Variants in FGF13 observed in about 807,000 individuals in gnomAD.
FGF13 encodes fibroblast growth factor homologous factor 2.
Under a neutral mutation model 19.5 loss-of-function variants are expected in FGF13, and 2 were observed. The ratio of observed to expected loss-of-function variants is 0.10; its 90% confidence interval spans 0.04 to 0.32. The LOEUF is 0.32. Among genes scored for constraint, FGF13 ranks in the 10% least tolerant of loss-of-function variants. The pLI, the probability that FGF13 is intolerant of heterozygous loss-of-function variation, is 1.00. For missense variants in FGF13, 113 were observed against 192.7 expected, an observed-to-expected ratio of 0.59 and a Z score of 2.45; for synonymous variants, 72 against 76.9, an observed-to-expected ratio of 0.94 and a Z score of 0.33.
chrX:139,028,628 AGAGAGAGT>A (rs1362537979), intron 1 of FGF13, among the ~76,000 whole-genome samples: 533 of 34,396 alleles, frequency 0.015, 7 homozygotes, highest in African/African-American at 0.043. Flanking sequence ...AGAGAGAGAG[AGAGAGAGT>A]GTGTGTGTGT....
chrX:139,090,517 T>C (rs748919153), intron 1 of FGF13, among the ~76,000 whole-genome samples: 5 of 111,554 alleles, frequency 4.5e-5, no homozygotes, highest in African/African-American at 1.3e-4. Flanking sequence ...GGGTTTGTTG[T>C]AGAGATTATC....
intron 1 of FGF13, among the ~76,000 whole-genome samples, chrX:138,951,550 C>T (rs747895257): frequency 9.0e-6 from 1 of 111,353 alleles, no homozygotes; most frequent in Non-Finnish European, 1.9e-5. Context: ...AATAAGAATA[C>T]AAACAACCCA....
chrX:139,166,843 A>G (rs192263502), intron 1 of FGF13, among the ~76,000 whole-genome samples: 67 of 111,592 alleles, frequency 6.0e-4, no homozygotes, highest in Non-Finnish European at 1.0e-3. Context: ...CCTTTTCCAT[A>G]TGAAAATTTC....
At chrX:138,976,630 T>A in intron 1 of FGF13, among the ~76,000 whole-genome samples, 1 of 111,572 alleles carries the variant, frequency 9.0e-6, no homozygotes, top group East Asian at 2.8e-4. Flanking sequence ...GGCACTAAAG[T>A]TTCAGACTTC....
downstream of FGF13, among the ~76,000 whole-genome samples, chrX:138,857,190 G>A (rs932304223): frequency 8.9e-6 from 1 of 112,290 alleles, no homozygotes; most frequent in Admixed American, 9.5e-5. Context: ...AATGCAAGGT[G>A]ATGGGAACAG....
chrX:139,026,315 T>C (rs1230330551), intron 1 of FGF13, among the ~76,000 whole-genome samples: 3 of 111,585 alleles, frequency 2.7e-5, no homozygotes, highest in African/African-American at 9.8e-5. Context: ...GGTTTAATAA[T>C]TTTAAAATAA....
intron 1 of FGF13, among the ~76,000 whole-genome samples, chrX:138,927,329 C>T (rs2091679261): frequency 8.9e-6 from 1 of 111,975 alleles, no homozygotes; most frequent in African/African-American, 3.2e-5. Context: ...TAGACCCATC[C>T]AACTGGGCTC....
intron 1 of FGF13, among the ~76,000 whole-genome samples, chrX:138,882,977 G>A (rs144441210): frequency 0.015 from 1,681 of 111,137 alleles, 24 homozygotes; most frequent in African/African-American, 0.051. Flanking sequence ...CTGCCTCTAG[G>A]ATAGTGGCAG....
intron 1 of FGF13, among the ~76,000 whole-genome samples, chrX:139,157,198 G>A (rs1198583199): frequency 9.0e-6 from 1 of 111,258 alleles, no homozygotes; most frequent in Non-Finnish European, 1.9e-5. Context: ...AAACTCGGAA[G>A]CTATATCATT....
At chrX:138,738,046 G>C (rs1437982254) in intron 1 of FGF13, among the ~76,000 whole-genome samples, 1 of 112,093 alleles carries the variant, frequency 8.9e-6, no homozygotes, top group Non-Finnish European at 1.9e-5. Context: ...AAAACAATCA[G>C]ATAAACAATG....
chrX:138,984,588 A>AAGAAGAAGAAGAAGAAGGAGGAGG (rs2091982501), intron 1 of FGF13, among the ~76,000 whole-genome samples: 6 of 11,513 alleles, frequency 5.2e-4, no homozygotes, highest in East Asian at 2.5e-3. Context: ...GAAGAAGAAG[A>AAGAAGAAGAAGAAGAAGGAGGAGG]AGGAGGAGGA....
chrX:138,737,209 G>A (rs998635336), intron 1 of FGF13, among the ~76,000 whole-genome samples: 6 of 111,291 alleles, frequency 5.4e-5, no homozygotes, highest in Non-Finnish European at 9.4e-5. Context: ...GAGTTCTTTA[G>A]AGAGCTTGTG....
At chrX:138,898,643 T>A (rs1458023033) in intron 1 of FGF13, among the ~76,000 whole-genome samples, 1 of 111,942 alleles carries the variant, frequency 8.9e-6, no homozygotes, top group African/African-American at 3.2e-5. Context: ...ATAGAAGGTT[T>A]AAATAATATT....
chrX:138,951,130 C>T (rs2091808890), intron 1 of FGF13, among the ~76,000 whole-genome samples: 1 of 111,453 alleles, frequency 9.0e-6, no homozygotes, highest in African/African-American at 3.3e-5. Context: ...CCTAAGGTCA[C>T]GCTGCTGGGA....
chrX:139,163,620 G>T (rs759890921), intron 1 of FGF13, among the ~76,000 whole-genome samples: 1 of 111,350 alleles, frequency 9.0e-6, no homozygotes, highest in South Asian at 3.8e-4. Flanking sequence ...TGGTCACATT[G>T]TTGGAGGTCA....
rs139706654 is a variant in FGF13, at chrX:139,172,765, G to A, written c.-113+30651C>T. Among the ~76,000 whole-genome samples the A allele has an allele frequency of 9.2e-3, 1,030 of 111,466 alleles. 9 individuals carry two copies. The highest frequency in any genetic ancestry group is 0.032 in the African/African-American group (984 of 30,671). On this transcript the variant is annotated intron_variant, in intron 1 of 2. Transcript: ENST00000421460. ...GCAGATACAGATTTTCTCAAATCAG[G>A]ATACAAATTTTACATAATACCTGAT...
intron 1 of FGF13, among the ~76,000 whole-genome samples, chrX:139,171,982 CTT>C (rs746622383): frequency 3.6e-5 from 4 of 111,575 alleles, no homozygotes; most frequent in Non-Finnish European, 7.5e-5. Flanking sequence ...GTGACTGGTT[CTT>C]TCTTTCCTGC....
At chrX:138,743,415 A>AT (rs1203088885), upstream of FGF13, among the ~76,000 whole-genome samples, 3 of 111,217 alleles carry the variant, frequency 2.7e-5, no homozygotes, top group Admixed American at 9.6e-5. Context: ...AGCACAGAGG[A>AT]TTTTTTCAGC....
intron 2 of FGF13, among the ~76,000 whole-genome samples, chrX:138,860,165 A>G (rs5931505): frequency 0.13 from 14,714 of 111,523 alleles, 928 homozygotes; most frequent in Non-Finnish European, 0.19. Context: ...GCTGGCTTAT[A>G]AAATCTCTTT....
Sources: allele counts gnomAD v4.1 joint callset (sites outside exome capture counted in the v4.1 genomes callset), GRCh38; gene constraint gnomAD v4.1.1; transcripts MANE v1.5; gene names NCBI Gene and HGNC (gene_info 2026-07-23, HGNC 2026-07-21).